Variants in PDE12 observed in about 807,000 individuals in gnomAD.
The protein encoded by PDE12 is 2',5'-phosphodiesterase 12.
In PDE12, 26 loss-of-function variants were observed where a neutral mutation model predicts 45.4. The observed-to-expected ratio is 0.57, with a 90% CI of 0.42 to 0.79. The LOEUF (loss-of-function observed/expected upper bound fraction) is 0.79, where lower values mean the gene tolerates loss of function less well. Among genes scored for constraint, PDE12 ranks in the 30% least tolerant of loss-of-function variants. The pLI, the probability that PDE12 is intolerant of heterozygous loss-of-function variation, is 0.00. For missense variants in PDE12, 668 were observed against 790.0 expected, an observed-to-expected ratio of 0.85 and a Z score of 1.85; for synonymous variants, 283 against 323.9, an observed-to-expected ratio of 0.87 and a Z score of 1.36.
chr3:57,625,915 T>G, the PDE12 span: 1 of 152,638 alleles, frequency 6.6e-6, no homozygotes, highest in Non-Finnish European at 1.5e-5. Context: ...ATTTAAAAGA[T>G]CCTTGATATG....
chr3:57,630,680 G>T, the PDE12 span: 3 of 1,581,818 alleles, frequency 1.9e-6, no homozygotes, highest in South Asian at 3.5e-5. Flanking sequence ...AATAAAGCAC[G>T]ACACATGGGT....
chr3:57,628,567 T>A, the PDE12 span, among the ~76,000 whole-genome samples: 1 of 152,190 alleles, frequency 6.6e-6, no homozygotes, highest in Non-Finnish European at 1.5e-5. Context: ...CCTAGAAATA[T>A]AAGTGACAAT....
At chr3:57,604,628 G>C in the PDE12 span, among the ~76,000 whole-genome samples, 3 of 52,336 alleles carry the variant, frequency 5.7e-5, 1 homozygote, top group Non-Finnish European at 1.1e-4. Context: ...GGGGGGGGTG[G>C]GTGGGACAGA....
chr3:57,628,032 A>G, the PDE12 span: 1 of 738,218 alleles, frequency 1.4e-6, no homozygotes, highest in Non-Finnish European at 2.0e-6. Context: ...ACAGATATCC[A>G]CTTTAAAAAG....
At chr3:57,588,226 G>C in the PDE12 span, among the ~76,000 whole-genome samples, 4 of 152,132 alleles carry the variant, frequency 2.6e-5, no homozygotes, top group South Asian at 8.3e-4. Context: ...TCCTTAACTA[G>C]ACCTGCACTT....
downstream of PDE12, among the ~76,000 whole-genome samples, chr3:57,568,583 CT>C (rs764411740): frequency 3.7e-3 from 508 of 136,504 alleles, no homozygotes; most frequent in Admixed American, 4.0e-3. Flanking sequence ...AGATACACTT[CT>C]TTTTTTTTTT....
At position 57,564,036 on chromosome 3, in the gene PDE12, C is replaced by T. The variant is rs1215752394; in HGVS notation, c.*4032C>T. On this transcript the variant is annotated 3_prime_UTR_variant, in exon 3 of 3. Transcript: ENST00000311180. ...AAAAATACTAGAGCTGTATTAACTT[C>T]GTGATTTTATTTTTCTTCTTAGCAC... The T allele has an allele frequency of 3.9e-5, 6 of 152,134 alleles. No individual in the cohort carries two copies. Among genetic ancestry groups the T allele is most frequent in the African/African-American group, 1.2e-4 (5 of 41,424 alleles). The allele number at this position is 152,134 out of a possible 1,614,324, so 9.4% of individuals were successfully genotyped here. A position where few individuals can be genotyped will look rare whatever the true frequency, so the allele number is the denominator to read the frequency against.
At chr3:57,568,804 C>T (rs1387965034), downstream of PDE12, among the ~76,000 whole-genome samples, 1 of 134,380 alleles carries the variant, frequency 7.4e-6, no homozygotes, top group African/African-American at 2.8e-5. Context: ...TATTACATCA[C>T]AGAAAAGCAG....
the PDE12 span, among the ~76,000 whole-genome samples, chr3:57,613,279 AT>A: frequency 6.9e-6 from 1 of 144,216 alleles, no homozygotes; most frequent in Admixed American, 6.9e-5. Context: ...CTGCCTGGCC[AT>A]AAAAAAAAAA....
the PDE12 span, among the ~76,000 whole-genome samples, chr3:57,586,940 A>AAC: frequency 4.6e-5 from 7 of 151,662 alleles, no homozygotes; most frequent in Admixed American, 2.0e-4. Flanking sequence ...CTGATTAAGA[A>AAC]ACACACACAC....
At chr3:57,640,693 T>C in the PDE12 span, among the ~76,000 whole-genome samples, 3 of 152,184 alleles carry the variant, frequency 2.0e-5, no homozygotes, top group Middle Eastern at 3.2e-3. Flanking sequence ...TGTCTTCCAT[T>C]GGAAGGAGAA....
downstream of PDE12, chr3:57,571,717 T>C (rs149547076): frequency 7.2e-3 from 1,119 of 156,094 alleles, 8 homozygotes; most frequent in Non-Finnish European, 0.011. Context: ...ATTTCCTCAG[T>C]GCAAGAGAGC....
At chr3:57,611,412 A>G in the PDE12 span, among the ~76,000 whole-genome samples, 2 of 152,218 alleles carry the variant, frequency 1.3e-5, no homozygotes, top group Non-Finnish European at 2.9e-5. Flanking sequence ...GAGCTTCTGC[A>G]CAGCAAAAGA....
chr3:57,582,713 TAA>T, the PDE12 span, among the ~76,000 whole-genome samples: 24,680 of 151,782 alleles, frequency 0.16, 2,652 homozygotes, highest in East Asian at 0.48. Flanking sequence ...TTGCAAGTCT[TAA>T]AAATATAAAG....
chr3:57,641,711 A>C, the PDE12 span: 1 of 1,611,466 alleles, frequency 6.2e-7, no homozygotes, highest in Admixed American at 1.7e-5. Flanking sequence ...GTGTCTTAGC[A>C]AAAAAAGGGT....
At chr3:57,636,930 C>G in the PDE12 span, among the ~76,000 whole-genome samples, 3 of 124,374 alleles carry the variant, frequency 2.4e-5, no homozygotes, top group African/African-American at 9.4e-5. Context: ...GAGCGAGACT[C>G]TGTCTCAAAA....
the PDE12 span, among the ~76,000 whole-genome samples, chr3:57,602,121 A>G: frequency 2.0e-5 from 3 of 152,148 alleles, no homozygotes; most frequent in Non-Finnish European, 2.9e-5. Flanking sequence ...TTTAATAGCA[A>G]TAAGTGGTTA....
At chr3:57,601,085 A>G in the PDE12 span, among the ~76,000 whole-genome samples, 5 of 152,016 alleles carry the variant, frequency 3.3e-5, no homozygotes, top group Non-Finnish European at 7.4e-5. Flanking sequence ...CTCATAACAT[A>G]CTACACTAGG....
the PDE12 span, among the ~76,000 whole-genome samples, chr3:57,589,138 A>G: frequency 0.39 from 58,482 of 151,476 alleles, 12,623 homozygotes; most frequent in South Asian, 0.56. Flanking sequence ...GTGATGGCAC[A>G]TGCCTGTAGT....
Sources: gnomAD v4.1 joint callset for allele counts (sites outside exome capture counted in the v4.1 genomes callset) on GRCh38, gnomAD v4.1.1 for gene constraint, MANE v1.5 for transcripts, NCBI Gene and HGNC (gene_info 2026-07-23, HGNC 2026-07-21) for gene names.